The following RABEP1 variants were observed in gnomAD, a reference collection of about 807,000 sequenced individuals.
RABEP1 encodes rabaptin, RAB GTPase binding effector protein 1.
RABEP1 carries 51 observed loss-of-function variants against 123.4 expected under a neutral mutation model. That is an observed-to-expected ratio of 0.41 (90% confidence interval 0.33 to 0.52). RABEP1 has a LOEUF of 0.52. Ranked by LOEUF, RABEP1 falls within the 20% of genes least tolerant of loss-of-function variation. The pLI is 0.16. For missense variants in RABEP1, 888 were observed against 996.3 expected (o/e 0.89, Z 1.46); for synonymous variants, 347 against 355.2 (o/e 0.98, Z 0.26).
chr17:5,376,319 T>A (rs1322080346), intron 13 of RABEP1, among the ~76,000 whole-genome samples: 1 of 152,058 alleles, frequency 6.6e-6, no homozygotes, highest in Non-Finnish European at 1.5e-5. Flanking sequence ...CAGAGGAAGA[T>A]CCTGTCTCAA....
intron 15 of RABEP1, among the ~76,000 whole-genome samples, chr17:5,379,409 A>G (rs1240779780): frequency 1.3e-5 from 2 of 152,148 alleles, no homozygotes; most frequent in African/African-American, 4.8e-5. Context: ...ATGCATGAAC[A>G]GGCTCAGGTG....
At chr17:5,331,167 A>G (rs1906509607) in intron 2 of RABEP1, among the ~76,000 whole-genome samples, 1 of 151,786 alleles carries the variant, frequency 6.6e-6, no homozygotes, top group Non-Finnish European at 1.5e-5. Context: ...ATTAGAAGCA[A>G]ATGTAAAGAA....
chr17:5,320,033 G>A (rs933741420), intron 2 of RABEP1, among the ~76,000 whole-genome samples: 1 of 151,764 alleles, frequency 6.6e-6, no homozygotes, highest in Non-Finnish European at 1.5e-5. Flanking sequence ...GAAGGCCAGA[G>A]GACACCAAAG....
At chr17:5,346,281 A>G (rs1908053528) in intron 5 of RABEP1, among the ~76,000 whole-genome samples, 1 of 152,158 alleles carries the variant, frequency 6.6e-6, no homozygotes, top group African/African-American at 2.4e-5. Flanking sequence ...TTCCATTATA[A>G]TTTCCTCTTT....
At position 5,336,939 on chromosome 17, in the gene RABEP1, T is replaced by C. The variant is rs904787564; in HGVS notation, c.529-1080T>C. 2.0e-5 allele frequency among the ~76,000 whole-genome samples: 3 copies of C among 152,356 alleles called. No homozygotes were observed. The East Asian group carries it at 5.8e-4, about 29-fold the overall frequency. ...TGGGCATTTATGATATTTTTCCCTA[T>C]CGTGCACAACTTAGTATAACTTTGC... On this transcript the variant is annotated intron_variant, in intron 4 of 17. Transcript: ENST00000537505.
At chr17:5,324,490 A>G (rs1395335032) in intron 2 of RABEP1, among the ~76,000 whole-genome samples, 8 of 152,230 alleles carry the variant, frequency 5.3e-5, no homozygotes, top group African/African-American at 1.9e-4. Context: ...CACTAGAGGA[A>G]AACACTTGGG....
intron 1 of RABEP1, among the ~76,000 whole-genome samples, chr17:5,299,067 A>T (rs886643255): frequency 2.0e-5 from 3 of 152,170 alleles, no homozygotes; most frequent in Admixed American, 2.0e-4. Flanking sequence ...CAGTAACACC[A>T]AATATCCATT....
intron 1 of RABEP1, among the ~76,000 whole-genome samples, chr17:5,287,727 C>T (rs2074993449): frequency 6.6e-6 from 1 of 151,794 alleles, no homozygotes. Context: ...TGAGACCAGC[C>T]TGGGCAATAT....
intron 1 of RABEP1, among the ~76,000 whole-genome samples, chr17:5,284,528 C>T (rs1028604571): frequency 3.3e-5 from 5 of 151,692 alleles, no homozygotes; most frequent in East Asian, 1.9e-4. Context: ...AGCAGTGGCG[C>T]GATCTTGGCT....
At chr17:5,353,520 T>A (rs1908746406) in intron 7 of RABEP1, among the ~76,000 whole-genome samples, 1 of 152,152 alleles carries the variant, frequency 6.6e-6, no homozygotes, top group South Asian at 2.1e-4. Context: ...TCATATACAT[T>A]TGTTAATGTT....
intron 1 of RABEP1, among the ~76,000 whole-genome samples, chr17:5,288,552 T>C (rs1379518385): frequency 1.3e-5 from 2 of 151,038 alleles, no homozygotes; most frequent in African/African-American, 4.9e-5. Context: ...TGTGCTGCCA[T>C]GCTCGGCTAA....
At chr17:5,379,918 A>G (rs975438744) in intron 15 of RABEP1, among the ~76,000 whole-genome samples, 1 of 152,140 alleles carries the variant, frequency 6.6e-6, no homozygotes, top group African/African-American at 2.4e-5. Context: ...GCTGTGCTGT[A>G]GGCCAGCCGA....
rs9911218 is a variant in RABEP1 at position 5,322,892 on chromosome 17, T to G, written c.164-9057T>G. On this transcript the variant is annotated intron_variant, in intron 2 of 17. Coordinates refer to ENST00000537505, the MANE Select transcript of RABEP1 (RefSeq NM_004703.6). ...GAGTTTGAGACCAGCCTGGCCAACA[T>G]GGTGAAACTCCGTCTTTACAAAAAA... Among the ~76,000 whole-genome samples the G allele has an allele frequency of 5.6e-4, 85 of 152,200 alleles. 1 individual carries two copies. The highest frequency in any genetic ancestry group is 1.9e-3 in the African/African-American group (77 of 41,528).
At chr17:5,382,870 A>G (rs1911598446) in intron 17 of RABEP1, among the ~76,000 whole-genome samples, 1 of 151,816 alleles carries the variant, frequency 6.6e-6, no homozygotes, top group Non-Finnish European at 1.5e-5. Context: ...CAGTGAGCCG[A>G]GATCACACCA....
At chr17:5,312,552 G>T (rs2075254721) in intron 2 of RABEP1, among the ~76,000 whole-genome samples, 1 of 152,178 alleles carries the variant, frequency 6.6e-6, no homozygotes, top group Admixed American at 6.5e-5. Context: ...GCTTGGAAAG[G>T]ATTACTGACT....
chr17:5,370,786 TATATCA>T (rs1265389492), intron 12 of RABEP1, among the ~76,000 whole-genome samples: 1 of 152,212 alleles, frequency 6.6e-6, no homozygotes, highest in Non-Finnish European at 1.5e-5. Context: ...TCAGAATGAC[TATATCA>T]ATATTACTAC....
intron 2 of RABEP1, among the ~76,000 whole-genome samples, chr17:5,326,981 T>G (rs1262790550): frequency 1.3e-5 from 2 of 152,150 alleles, no homozygotes; most frequent in Non-Finnish European, 2.9e-5. Context: ...GCTACTAAAC[T>G]GAAAAGCTGT....
intron 2 of RABEP1, among the ~76,000 whole-genome samples, chr17:5,309,169 GAA>G (rs891743358): frequency 3.3e-5 from 5 of 152,112 alleles, no homozygotes; most frequent in Admixed American, 2.0e-4. Context: ...TTAATTCCAT[GAA>G]ACATCAGTTT....
intron 1 of RABEP1, among the ~76,000 whole-genome samples, chr17:5,299,842 G>C (rs1443760874): frequency 6.8e-6 from 1 of 147,046 alleles, no homozygotes; most frequent in African/African-American, 2.5e-5. Context: ...CGATTCTCCT[G>C]CCTCAGCCTC....
Sources: allele counts gnomAD v4.1 joint callset (sites outside exome capture counted in the v4.1 genomes callset), GRCh38; gene constraint gnomAD v4.1.1; transcripts MANE v1.5; gene names NCBI Gene and HGNC (gene_info 2026-07-23, HGNC 2026-07-21).